Variants in ARHGAP35 observed in about 807,000 individuals in gnomAD.
ARHGAP35 encodes Rho GTPase activating protein 35, also known as rho GTPase-activating protein 35.
ARHGAP35 carries 15 observed loss-of-function variants against 111.1 expected under a neutral mutation model. The ratio of observed to expected loss-of-function variants is 0.13; its 90% CI spans 0.09 to 0.21. The LOEUF (loss-of-function observed/expected upper bound fraction) is 0.21, where lower values mean the gene tolerates loss of function less well. Among genes scored for constraint, ARHGAP35 ranks in the 10% least tolerant of loss-of-function variants. The pLI is 1.00. For synonymous variants in ARHGAP35, 643 were observed against 710.3 expected, an observed-to-expected ratio of 0.91 and a Z score of 1.51; for missense variants, 1,262 against 1,873.0, an observed-to-expected ratio of 0.67 and a Z score of 6.02.
At chr19:46,896,960 C>A (rs979523288) in intron 1 of ARHGAP35, among the ~76,000 whole-genome samples, 1 of 152,058 alleles carries the variant, frequency 6.6e-6, no homozygotes, top group Non-Finnish European at 1.5e-5. Context: ...TTGGCGCGAT[C>A]TTAGCTCACT....
At chr19:46,911,626 A>C (rs1421206288) in intron 1 of ARHGAP35, among the ~76,000 whole-genome samples, 4 of 152,234 alleles carry the variant, frequency 2.6e-5, no homozygotes, top group African/African-American at 9.6e-5. Flanking sequence ...GTTTGATGGA[A>C]TCCTTCTGTA....
intron 1 of ARHGAP35, among the ~76,000 whole-genome samples, chr19:46,916,692 A>G (rs1475529297): frequency 6.6e-6 from 1 of 151,588 alleles, no homozygotes; most frequent in Non-Finnish European, 1.5e-5. Context: ...AAATAGCACA[A>G]AGGAATATCC....
intron 2 of ARHGAP35, among the ~76,000 whole-genome samples, chr19:46,935,041 A>T (rs949519940): frequency 2.0e-5 from 3 of 152,152 alleles, no homozygotes; most frequent in African/African-American, 7.2e-5. Context: ...TCGTTAAATT[A>T]TTTCCTGTAA....
At chr19:46,941,899 AAG>A (rs2056349489) in intron 3 of ARHGAP35, among the ~76,000 whole-genome samples, 1 of 151,504 alleles carries the variant, frequency 6.6e-6, no homozygotes, top group East Asian at 2.0e-4. Context: ...AAAAAAAAAA[AAG>A]ATAGATTGAA....
intron 1 of ARHGAP35, among the ~76,000 whole-genome samples, chr19:46,877,048 G>A (rs1411236038): frequency 2.0e-5 from 3 of 151,168 alleles, no homozygotes; most frequent in African/African-American, 4.9e-5. Flanking sequence ...TCAGGAGTTC[G>A]AGACCAGCCT....
chr19:47,000,646 G>C lies in ARHGAP35; in HGVS notation c.4458G>C (p.Gln1486His). ...SPPPTPQSPM[Q>H]PLLPSQLQAE... The stretch of plus-strand genomic sequence containing the variant: ...CACCCACCCCCCAGTCCCCAATGCA[G>C]CCACTGCTTCCCTCCCAGCTTCAAG... Residue 1486 changes from glutamine (Q) to histidine (H), a missense_variant, in exon 7 of 7, where the codon CAG (glutamine) becomes CAC (histidine). By Grantham distance (24) the Gln-to-His change is conservative. Transcript: ENST00000672722. The surrounding 1 kb of genome is among the most constrained non-coding windows in gnomAD (Gnocchi z 6.9). 6.2e-7 allele frequency: 1 copy of C among 1,602,834 alleles called. No homozygotes were observed. The highest frequency in any genetic ancestry group is 8.5e-7 in the Non-Finnish European group (1 of 1,174,180).
intron 1 of ARHGAP35, among the ~76,000 whole-genome samples, chr19:46,877,572 TAAC>T (rs928094636): frequency 6.7e-6 from 1 of 150,132 alleles, no homozygotes; most frequent in Admixed American, 6.6e-5. Flanking sequence ...TCTCAAAAAA[TAAC>T]AATAAATAAA....
Position 46,999,130 on chromosome 19 carries a change from C to T in ARHGAP35, c.4037-174C>T. The T allele has an allele frequency of 1.7e-6, 1 of 599,400 alleles. No individual in the cohort carries two copies. The highest frequency in any genetic ancestry group is 2.1e-5 in the South Asian group (1 of 48,572). 37.1% of individuals were successfully genotyped at this position (599,400 alleles called of 1,614,324 possible). On this transcript the variant is annotated intron_variant, in intron 5 of 6. Coordinates refer to ENST00000672722, the MANE Select transcript of ARHGAP35 (RefSeq NM_004491.5). The surrounding 1 kb of genome is among the most constrained non-coding windows in gnomAD (Gnocchi z 5.4). ...ACAGAGGTGGGCCAGACCCCTGGGCCAGTGCCACTGCCAGGTGTGCCAGCC... is the reference window on the plus strand; with the variant it reads ...ACAGAGGTGGGCCAGACCCCTGGGCTAGTGCCACTGCCAGGTGTGCCAGCC...
chr19:46,872,968 T>C (rs1460105938), intron 1 of ARHGAP35, among the ~76,000 whole-genome samples: 1 of 152,108 alleles, frequency 6.6e-6, no homozygotes, highest in African/African-American at 2.4e-5. Flanking sequence ...AAAAATGTTA[T>C]CTCATTTTCT....
chr19:46,923,840 G>C (rs968961448), intron 2 of ARHGAP35, among the ~76,000 whole-genome samples: 4 of 151,058 alleles, frequency 2.6e-5, no homozygotes, highest in Non-Finnish European at 5.9e-5. Context: ...AGAATCACGT[G>C]AACCTGGGAG....
At chr19:46,875,083 A>G (rs2055910841) in intron 1 of ARHGAP35, among the ~76,000 whole-genome samples, 1 of 151,612 alleles carries the variant, frequency 6.6e-6, no homozygotes, top group African/African-American at 2.4e-5. Context: ...AAGTGCAGGG[A>G]TTACAGGTGT....
chr19:46,872,089 T>A (rs535243595), intron 1 of ARHGAP35, among the ~76,000 whole-genome samples: 50 of 151,768 alleles, frequency 3.3e-4, no homozygotes, highest in South Asian at 8.4e-4. Context: ...TTTATAAATT[T>A]AAAAAAAAAT....
chr19:46,960,276 G>A (rs572105335), intron 3 of ARHGAP35, among the ~76,000 whole-genome samples: 1 of 151,920 alleles, frequency 6.6e-6, no homozygotes, highest in Non-Finnish European at 1.5e-5. Context: ...CATCTTCTTG[G>A]GTATACGTAT....
At chr19:46,981,109 CCA>C (rs1252319490) in intron 3 of ARHGAP35, among the ~76,000 whole-genome samples, 1 of 152,224 alleles carries the variant, frequency 6.6e-6, no homozygotes, top group Non-Finnish European at 1.5e-5. Flanking sequence ...TCATACCTTT[CCA>C]CAGAGGTCGG....
rs145199169 is a variant in ARHGAP35 at position 46,959,504 on chromosome 19, A to G, written c.3826+22096A>G. ...AACCTTGGCCTCCTGGGTTCAAGCA[A>G]TTCTCCTCCTTCAGCCTCCCAAGTA... On this transcript the variant is annotated intron_variant, in intron 3 of 6. Coordinates refer to ENST00000672722, the MANE Select transcript of ARHGAP35 (RefSeq NM_004491.5). Among the ~76,000 whole-genome samples, 11 of 151,330 alleles carry G rather than the reference A, an allele frequency of 7.3e-5. No individual in the cohort carries two copies. In the East Asian group the frequency reaches 2.0e-3, roughly 27 times the overall value.
chr19:46,921,650 C>T lies in ARHGAP35; in HGVS notation c.2975C>T (p.Ser992Phe). 6.2e-7 allele frequency: 1 copy of T among 1,614,014 alleles called. No homozygotes were observed. The highest frequency in any genetic ancestry group is 8.5e-7 in the Non-Finnish European group (1 of 1,179,912). Residue 992 changes from serine (S) to phenylalanine (F), a missense_variant, in exon 2 of 7, where the codon TCT (serine) becomes TTT (phenylalanine). Ser to Phe is a radical substitution (Grantham distance 155). Around this residue, in one of 8 missense-constraint regions of ARHGAP35, gnomAD observed 579 missense variants for 716.9 expected, o/e 0.81. Coordinates refer to ENST00000672722, the MANE Select transcript of ARHGAP35 (RefSeq NM_004491.5). This position sits in a 1 kb window ranked among gnomAD's most constrained non-coding sequence, Gnocchi z 4.3. ...LQDSEEDIEP[S>F]YSLFREDTSL... Reference sequence around the variant, plus strand: ...GATTCAGAAGAAGATATCGAGCCATCTTACAGCCTGTTTCGAGAAGACACA... The same window carrying T: ...GATTCAGAAGAAGATATCGAGCCATTTTACAGCCTGTTTCGAGAAGACACA...
chr19:46,950,974 T>C (rs8102525), intron 3 of ARHGAP35, among the ~76,000 whole-genome samples: 3,580 of 152,240 alleles, frequency 0.024, 149 homozygotes, highest in African/African-American at 0.081. Context: ...AGAGAGCAAG[T>C]CAAGAAATGA....
chr19:46,861,624 C>T (rs185865486), intron 1 of ARHGAP35, among the ~76,000 whole-genome samples: 40 of 151,918 alleles, frequency 2.6e-4, no homozygotes, highest in East Asian at 1.2e-3. Flanking sequence ...CCCATCTTCT[C>T]CTCATTGACC....
chr19:46,896,882 G>C (rs1050862236), intron 1 of ARHGAP35, among the ~76,000 whole-genome samples: 2 of 151,972 alleles, frequency 1.3e-5, no homozygotes, highest in Non-Finnish European at 2.9e-5. Context: ...TATCTACTGG[G>C]CATGTTGTCT....
Sources: gnomAD v4.1 joint callset for allele counts (sites outside exome capture counted in the v4.1 genomes callset) on GRCh38, gnomAD v4.1.1 for gene constraint, gnomAD v4.1.1 regional missense constraint, Gnocchi (gnomAD v3.1) non-coding constraint, MANE v1.5 for transcripts, NCBI Gene and HGNC (gene_info 2026-07-23, HGNC 2026-07-21) for gene names.